EBF1: variants seen among roughly 807,000 people sequenced by gnomAD.
EBF1 encodes the protein EBF transcription factor 1, also known as transcription factor COE1.
Under a neutral mutation model 68.4 loss-of-function variants are expected in EBF1, and 10 were observed. That is an observed-to-expected ratio of 0.15 (90% CI 0.09 to 0.25). EBF1 has a LOEUF of 0.25. Ranked by LOEUF, EBF1 falls within the 10% of genes least tolerant of loss-of-function variation. The pLI is 1.00. For synonymous variants in EBF1, 298 were observed against 299.8 expected, an observed-to-expected ratio of 0.99 and a Z score of 0.06; for missense variants, 509 against 794.4, an observed-to-expected ratio of 0.64 and a Z score of 4.32.
intron 6 of EBF1, among the ~76,000 whole-genome samples, chr5:158,853,967 C>T (rs190578030): frequency 1.3e-5 from 2 of 152,212 alleles, no homozygotes; most frequent in African/African-American, 2.4e-5. Context: ...CAAGAGTCAA[C>T]GTCTTGTCTT....
chr5:158,696,789 G>C lies in EBF1; in HGVS notation c.*2322C>G. 5.5e-6 allele frequency: 1 copy of C among 182,592 alleles called. No homozygotes were observed. Among genetic ancestry groups the C allele is most frequent in the Non-Finnish European group, 1.1e-5 (1 of 88,764 alleles). 11.3% of individuals were successfully genotyped at this position (182,592 alleles called of 1,614,324 possible). Reference sequence around the variant, plus strand: ...TGAAAACCATTGCAAAATCCATATGGGGGCATGCACAGTTGCAGCATTGTT... The same window carrying C: ...TGAAAACCATTGCAAAATCCATATGCGGGCATGCACAGTTGCAGCATTGTT... On this transcript the variant is annotated 3_prime_UTR_variant, in exon 16 of 16. Transcript: ENST00000313708.
chr5:158,784,053 C>G (rs1776946301), intron 9 of EBF1, among the ~76,000 whole-genome samples: 1 of 151,724 alleles, frequency 6.6e-6, no homozygotes, highest in Non-Finnish European at 1.5e-5. Flanking sequence ...CTAGTTCTCA[C>G]TAAATTGATG....
intron 6 of EBF1, among the ~76,000 whole-genome samples, chr5:158,976,053 G>A (rs967440012): frequency 3.3e-5 from 5 of 152,296 alleles, no homozygotes; most frequent in Admixed American, 6.5e-5. Flanking sequence ...AATAGATCCA[G>A]CAAAGAGTAC....
intron 6 of EBF1, among the ~76,000 whole-genome samples, chr5:159,020,228 T>A (rs1766400509): frequency 6.6e-6 from 1 of 152,134 alleles, no homozygotes; most frequent in African/African-American, 2.4e-5. Flanking sequence ...AGCCAAAGGA[T>A]CAATTGATGG....
chr5:159,034,455 T>G (rs1309574745), intron 6 of EBF1, among the ~76,000 whole-genome samples: 1 of 152,190 alleles, frequency 6.6e-6, no homozygotes, highest in Non-Finnish European at 1.5e-5. Context: ...TGAGCAATTA[T>G]GGAAATTGGG....
intron 6 of EBF1, among the ~76,000 whole-genome samples, chr5:159,067,573 T>C (rs1376321112): frequency 6.6e-6 from 1 of 152,234 alleles, no homozygotes; most frequent in African/African-American, 2.4e-5. Flanking sequence ...TATTTGGGAA[T>C]AGCTGATAGC....
intron 6 of EBF1, among the ~76,000 whole-genome samples, chr5:159,004,317 T>C (rs1467928325): frequency 6.6e-6 from 1 of 151,846 alleles, no homozygotes; most frequent in East Asian, 1.9e-4. Flanking sequence ...GATATCAAAT[T>C]TGAGGTCTCA....
intron 6 of EBF1, among the ~76,000 whole-genome samples, chr5:158,896,457 T>C (rs1277352178): frequency 1.3e-5 from 2 of 152,242 alleles, no homozygotes; most frequent in Non-Finnish European, 2.9e-5. Flanking sequence ...ACCTGTAATG[T>C]ACTACATGCT....
intron 6 of EBF1, among the ~76,000 whole-genome samples, chr5:158,855,775 C>G (rs1294792013): frequency 6.6e-6 from 1 of 152,224 alleles, no homozygotes; most frequent in Non-Finnish European, 1.5e-5. Context: ...GACTATGCAT[C>G]AGGACTTTCT....
In EBF1 at chr5:158,935,532, C is replaced by T. The variant is rs971987175; in HGVS notation, c.555-95422G>A. Among the ~76,000 whole-genome samples the T allele has an allele frequency of 9.9e-5, 15 of 152,160 alleles. 1 individual carries two copies. The highest frequency in any genetic ancestry group is 2.6e-4 in the Admixed American group (4 of 15,282). Reference sequence around the variant, plus strand: ...ATGTGCACGCGTGCACACACAGATACATACAAATGATTAGAAAACATATGC... The same window carrying T: ...ATGTGCACGCGTGCACACACAGATATATACAAATGATTAGAAAACATATGC... On this transcript the variant is annotated intron_variant, in intron 6 of 15. Coordinates refer to ENST00000313708, the MANE Select transcript of EBF1 (RefSeq NM_024007.5).
intron 6 of EBF1, among the ~76,000 whole-genome samples, chr5:158,969,880 G>GAA (rs1234634746): frequency 2.1e-4 from 17 of 82,792 alleles, no homozygotes; most frequent in Non-Finnish European, 4.3e-4. Context: ...AAGAAAGAAA[G>GAA]AAAGAAAGAA....
At chr5:158,768,418 A>T (rs1773203921) in intron 10 of EBF1, among the ~76,000 whole-genome samples, 1 of 152,202 alleles carries the variant, frequency 6.6e-6, no homozygotes, top group Non-Finnish European at 1.5e-5. Flanking sequence ...GTAATAAGTC[A>T]GATATATGCA....
At chr5:158,988,371 T>A (rs1561718544) in intron 6 of EBF1, among the ~76,000 whole-genome samples, 1 of 152,172 alleles carries the variant, frequency 6.6e-6, no homozygotes, top group Non-Finnish European at 1.5e-5. Flanking sequence ...GAGTGGGACC[T>A]AGGGGAGGAA....
At chr5:158,959,373 C>A (rs764804009) in intron 6 of EBF1, among the ~76,000 whole-genome samples, 2 of 150,788 alleles carry the variant, frequency 1.3e-5, no homozygotes, top group East Asian at 3.9e-4. Context: ...CTCACTGCAA[C>A]CTCTGTCTCC....
At chr5:158,727,092 G>A (rs973103717) in intron 11 of EBF1, among the ~76,000 whole-genome samples, 1 of 152,182 alleles carries the variant, frequency 6.6e-6, no homozygotes, top group Non-Finnish European at 1.5e-5. Flanking sequence ...ACCAAGTAGG[G>A]GATCATGTTT....
intron 6 of EBF1, among the ~76,000 whole-genome samples, chr5:158,876,154 AAATATAAT>A (rs1204990655): frequency 2.0e-5 from 3 of 152,158 alleles, no homozygotes; most frequent in Non-Finnish European, 4.4e-5. Context: ...CAATAATATA[AAATATAAT>A]AATATTAGCA....
intron 6 of EBF1, among the ~76,000 whole-genome samples, chr5:158,959,577 C>T (rs1817768782): frequency 6.6e-6 from 1 of 151,960 alleles, no homozygotes; most frequent in African/African-American, 2.4e-5. Flanking sequence ...CCGGCCTGAG[C>T]CACCAGGCCT....
In EBF1 at chr5:159,092,684, C is replaced by T. The variant is rs943168294; in HGVS notation, c.411+2936G>A. On this transcript the variant is annotated intron_variant, in intron 4 of 15. Transcript: ENST00000313708. ...TCCTTTTGAGTTTTAACCCCACTTT[C>T]TAGTCAAGAATATGACATCACTCAC... Among the ~76,000 whole-genome samples the T allele has an allele frequency of 3.3e-5, 5 of 152,294 alleles. 1 individual carries two copies. In the South Asian group the frequency reaches 1.0e-3, roughly 32 times the overall value.
At chr5:158,733,146 G>A (rs1017381141) in intron 10 of EBF1, among the ~76,000 whole-genome samples, 1 of 152,164 alleles carries the variant, frequency 6.6e-6, no homozygotes, top group East Asian at 1.9e-4. Context: ...GCATGAGAGA[G>A]ACAGGAATGA....
Sources: allele counts gnomAD v4.1 joint callset (sites outside exome capture counted in the v4.1 genomes callset), GRCh38; gene constraint gnomAD v4.1.1; transcripts MANE v1.5; gene names NCBI Gene and HGNC (gene_info 2026-07-23, HGNC 2026-07-21).